ZNF493: variants seen among roughly 807,000 people sequenced by gnomAD.
ZNF493 encodes zinc finger protein 493.
Under a neutral mutation model 12.2 loss-of-function variants are expected in ZNF493, and 11 were observed. That is an observed-to-expected ratio of 0.90 (90% CI 0.57 to 1.50). The LOEUF is 1.50. ZNF493 is among the 40% of genes most tolerant of loss of function. ZNF493 has a pLI of 0.00. For missense variants in ZNF493, 950 were observed against 906.6 expected (o/e 1.05, Z -0.61); for synonymous variants, 286 against 302.6 (o/e 0.95, Z 0.57).
At position 21,425,229 on chromosome 19, in the gene ZNF493, C is replaced by A; in HGVS notation, c.*245C>A. The A allele has an allele frequency of 3.6e-6, 2 of 548,536 alleles. No homozygotes were observed. Among genetic ancestry groups the A allele is most frequent in the South Asian group, 2.1e-5 (1 of 47,860 alleles). 34.0% of individuals were successfully genotyped at this position (548,536 alleles called of 1,614,324 possible). A position where few individuals can be genotyped will look rare whatever the true frequency, so the allele number is the denominator to read the frequency against. On this transcript the variant is annotated 3_prime_UTR_variant, in exon 4 of 4. Transcript: ENST00000392288. ...CAAAGGCTTTAATTAGTTCTCATCC[C>A]TTACTAAACATAAGAGAATTCATAC...
intron 1 of ZNF493, 98 bp downstream of exon 1, chr19:21,397,365 C>T: frequency 6.5e-6 from 9 of 1,385,448 alleles, no homozygotes; most frequent in Non-Finnish European, 9.3e-6. Flanking sequence ...CCGCAGTCAG[C>T]TCCACAATCT....
chr19:21,418,456 G>T (rs143948764), intron 3 of ZNF493, among the ~76,000 whole-genome samples: 1 of 152,172 alleles, frequency 6.6e-6, no homozygotes, highest in African/African-American at 2.4e-5. Flanking sequence ...GGTGTCCTCC[G>T]GCTTAGTTCT....
Position 21,405,242 on chromosome 19 carries a change from CCTGG to C in ZNF493, c.145_148del (p.Leu49SerfsTer25). On this transcript the variant is annotated frameshift_variant, in exon 2 of 4. Transcript: ENST00000392288. LOFTEE classifies it high-confidence loss of function. ...AAGTGATGTTAGAGAACTACAGAAA[CCTGG>C]TCTTCTTGGGTGAGAATAACTTTAA... is the stretch of plus-strand genomic sequence containing the variant. 1 of 1,613,202 alleles carries C rather than the reference CCTGG, an allele frequency of 6.2e-7. No individual in the cohort carries two copies. Among genetic ancestry groups the C allele is most frequent in the Admixed American group, 1.7e-5 (1 of 59,786 alleles).
chr19:21,425,899 A>C lies in ZNF493; in HGVS notation c.*915A>C, dbSNP rs2145317706. ...AGCTTTTAACCAGTCCTCAAACTTT[A>C]TTGAACAAAATAATTCATACAGGAG... On this transcript the variant is annotated 3_prime_UTR_variant, in exon 4 of 4. Coordinates refer to ENST00000392288, the MANE Select transcript of ZNF493 (RefSeq NM_001076678.3). 9.7e-6 allele frequency: 6 copies of C among 621,012 alleles called. No individual in the cohort carries two copies. Among genetic ancestry groups the C allele is most frequent in the South Asian group, 6.9e-5 (5 of 72,154 alleles). The allele number at this position is 621,012 out of a possible 1,614,324, so 38.5% of individuals were successfully genotyped here. A position where few individuals can be genotyped will look rare whatever the true frequency, so the allele number is the denominator to read the frequency against.
At chr19:21,419,602 G>C (rs112957816) in intron 3 of ZNF493, among the ~76,000 whole-genome samples, 1 of 152,100 alleles carries the variant, frequency 6.6e-6, no homozygotes, top group African/African-American at 2.4e-5. Flanking sequence ...TGGTTGTGCT[G>C]GCAGCTGACT....
At chr19:21,400,200 A>G (rs906533946) in intron 1 of ZNF493, among the ~76,000 whole-genome samples, 4 of 152,182 alleles carry the variant, frequency 2.6e-5, no homozygotes, top group South Asian at 2.1e-4. Context: ...TCACAAGGTC[A>G]AGAGATCAAG....
chr19:21,403,807 G>C (rs1473825324), intron 1 of ZNF493, among the ~76,000 whole-genome samples: 2 of 148,104 alleles, frequency 1.4e-5, no homozygotes, highest in Admixed American at 1.4e-4. Context: ...GAAAATTCTT[G>C]TGATAGTCAA....
At chr19:21,411,719 CAA>C (rs557081015) in intron 3 of ZNF493, among the ~76,000 whole-genome samples, 2 of 129,712 alleles carry the variant, frequency 1.5e-5, no homozygotes, top group African/African-American at 2.9e-5. Context: ...GACTCCATCT[CAA>C]AAAAAAAAAA....
chr19:21,416,368 C>T (rs2145295299), intron 3 of ZNF493, among the ~76,000 whole-genome samples: 1 of 152,232 alleles, frequency 6.6e-6, no homozygotes, highest in Non-Finnish European at 1.5e-5. Context: ...ATCTCTTCCC[C>T]ATAAATTTAT....
chr19:21,397,428 T>C (rs755544383), intron 1 of ZNF493, 161 bp downstream of exon 1: 1 of 924,228 alleles, frequency 1.1e-6, no homozygotes, highest in East Asian at 2.5e-5. Context: ...CAGCCGTAAG[T>C]TGGCGGCTGC....
At chr19:21,418,640 C>A (rs538498764) in intron 3 of ZNF493, among the ~76,000 whole-genome samples, 11 of 152,294 alleles carry the variant, frequency 7.2e-5, no homozygotes, top group African/African-American at 1.9e-4. Flanking sequence ...GGGCCTCAGC[C>A]TTCAGAGCTG....
At chr19:21,418,246 G>A (rs1187916991) in intron 3 of ZNF493, among the ~76,000 whole-genome samples, 1 of 152,134 alleles carries the variant, frequency 6.6e-6, no homozygotes, top group Admixed American at 6.5e-5. Flanking sequence ...TCTCCCTCCT[G>A]TGCCTCTTTA....
rs1273279041 is a variant in ZNF493, at chr19:21,397,169, C to G, written c.-69C>G. On this transcript the variant is annotated 5_prime_UTR_variant, in exon 1 of 4. Coordinates refer to ENST00000392288, the MANE Select transcript of ZNF493 (RefSeq NM_001076678.3). ...CTGCTGCCGGAGCTCCAGGTCTACC[C>G]TTCACTGCTCTGTGTCCTCAGCGTG... 3 of 1,588,954 alleles carry G rather than the reference C, an allele frequency of 1.9e-6. No homozygotes were observed. The highest frequency in any genetic ancestry group is 2.6e-6 in the Non-Finnish European group (3 of 1,157,110).
Position 21,423,959 on chromosome 19 carries a change from A to G in ZNF493, c.1300A>G (p.Lys434Glu). The G allele has an allele frequency of 6.2e-7, 1 of 1,613,640 alleles. No homozygotes were observed. The highest frequency in any genetic ancestry group is 1.1e-5 in the South Asian group (1 of 91,056). Residue 434 changes from lysine (K) to glutamate (E), a missense_variant, in exon 4 of 4, where the codon AAA becomes GAA. Lys to Glu is a moderately conservative substitution (Grantham distance 56). Transcript: ENST00000392288. ...KRIHTGEKPY[K>E]CEECGKTFSV... ...AATTCATACTGGAGAGAAACCCTAC[A>G]AATGTGAAGAATGTGGCAAAACCTT...
chr19:21,424,559 T>C lies in ZNF493; in HGVS notation c.1900T>C (p.Cys634Arg). The change falls in exon 4 of 4, where the codon TGT (cysteine) becomes CGT (arginine). Residue 634 changes from cysteine (C) to arginine (R), a missense_variant. Physicochemically the swap from Cys to Arg is radical, Grantham distance 180 (BLOSUM62 -3). Coordinates refer to ENST00000392288, the MANE Select transcript of ZNF493 (RefSeq NM_001076678.3). ...TGEKPYKCEE[C>R]GKAFKRSSHL... ...AGAAAAACCCTACAAATGTGAAGAA[T>C]GTGGCAAAGCTTTTAAGCGGTCCTC... The C allele has an allele frequency of 6.2e-7, 1 of 1,613,676 alleles. No individual in the cohort carries two copies.
At chr19:21,399,631 T>G (rs577617149) in intron 1 of ZNF493, among the ~76,000 whole-genome samples, 1 of 152,358 alleles carries the variant, frequency 6.6e-6, no homozygotes, top group East Asian at 1.9e-4. Flanking sequence ...CAAAAAATTA[T>G]ATCTAATCAT....
Position 21,424,421 on chromosome 19 carries a change from C to T in ZNF493, c.1762C>T (p.Leu588Phe), listed in dbSNP as rs115610555. ...CGKSFSVFST[L>F]TKHKIIHTDK... ...CAAATCCTTTAGTGTATTCTCAACC[C>T]TTACTAAACACAAGATAATTCATAC... is the stretch of plus-strand genomic sequence containing the variant. The change falls in exon 4 of 4, where the codon CTT becomes TTT. Residue 588 changes from leucine (L) to phenylalanine (F), a missense_variant. Leu to Phe is a conservative substitution (Grantham distance 22). Coordinates refer to ENST00000392288, the MANE Select transcript of ZNF493 (RefSeq NM_001076678.3). The T allele has an allele frequency of 9.5e-3, 15,296 of 1,613,232 alleles. 134 individuals carry two copies. Among genetic ancestry groups the T allele is most frequent in the Middle Eastern group, 0.053 (321 of 6,056 alleles).
At position 21,409,004 on chromosome 19, in the gene ZNF493, C is replaced by G. The variant is rs558423566; in HGVS notation, c.253+3148C>G. Among the ~76,000 whole-genome samples the G allele has an allele frequency of 9.9e-5, 15 of 151,960 alleles. No individual in the cohort carries two copies. In the East Asian group the frequency reaches 2.9e-3, roughly 29 times the overall value. On this transcript the variant is annotated intron_variant, in intron 3 of 3. Transcript: ENST00000392288. The stretch of plus-strand genomic sequence containing the variant: ...GGTTCACGTCATTCTCCTGCCTCAG[C>G]CTCCCAAGTAGCTGGGACTACAGGC...
intron 3 of ZNF493, among the ~76,000 whole-genome samples, chr19:21,419,589 T>C (rs2030594062): frequency 6.6e-6 from 1 of 152,144 alleles, no homozygotes; most frequent in Non-Finnish European, 1.5e-5. Context: ...TGCTTTTGTA[T>C]GCTGGTTGTG....
Sources: gnomAD v4.1 joint callset for allele counts (sites outside exome capture counted in the v4.1 genomes callset) on GRCh38, gnomAD v4.1.1 for gene constraint, MANE v1.5 for transcripts, NCBI Gene and HGNC (gene_info 2026-07-23, HGNC 2026-07-21) for gene names.